Variants in PLEKHA6 observed in about 807,000 individuals in gnomAD.
The protein encoded by PLEKHA6 is pleckstrin homology domain containing A6.
In PLEKHA6, 60 loss-of-function variants were observed where a neutral mutation model predicts 116.7. The ratio of observed to expected loss-of-function variants is 0.51; its 90% CI spans 0.42 to 0.64. PLEKHA6 has a LOEUF of 0.64. PLEKHA6 is among the 30% of genes least tolerant of loss of function. The pLI is 0.00. For missense variants in PLEKHA6, 1,338 were observed against 1,422.7 expected, an observed-to-expected ratio of 0.94 and a Z score of 0.96; for synonymous variants, 489 against 556.1, an observed-to-expected ratio of 0.88 and a Z score of 1.70.
intron 1 of PLEKHA6, among the ~76,000 whole-genome samples, chr1:204,321,183 G>A (rs1323133672): frequency 6.6e-6 from 1 of 152,106 alleles, no homozygotes; most frequent in African/African-American, 2.4e-5. Flanking sequence ...GCACCACTCA[G>A]GGGAAGCCAA....
chr1:204,268,297 G>T lies in PLEKHA6; in HGVS notation c.118C>A (p.Arg40Ser). The change falls in exon 4 of 23, where the codon CGC becomes AGC. Residue 40 changes from arginine to serine, a missense_variant. Around this residue, in one of 3 missense-constraint regions of PLEKHA6, gnomAD observed 62 missense variants for 61.7 expected, o/e 1.01. Coordinates refer to ENST00000272203, the MANE Select transcript of PLEKHA6 (RefSeq NM_014935.5). ...RPSVRATRTA[R>S]KAVAFGKRSH... The stretch of plus-strand genomic sequence containing the variant: ...CGCTTGCCAAAGGCGACGGCTTTGC[G>T]GGCTGTGCGAGTTGCCTGGGGGCAG... 6.2e-7 allele frequency: 1 copy of T among 1,608,610 alleles called. No homozygotes were observed. The highest frequency in any genetic ancestry group is 8.5e-7 in the Non-Finnish European group (1 of 1,177,430).
At chr1:204,358,677 C>A (rs558885238) in intron 1 of PLEKHA6, among the ~76,000 whole-genome samples, 1 of 152,188 alleles carries the variant, frequency 6.6e-6, no homozygotes, top group East Asian at 1.9e-4. Context: ...CTGAAGGCTG[C>A]AACCTCCTCT....
chr1:204,248,786 G>C, intron 12 of PLEKHA6, 35 bp downstream of exon 12: 1 of 1,603,566 alleles, frequency 6.2e-7, no homozygotes, highest in Non-Finnish European at 8.5e-7. Context: ...TAGTGCTGAT[G>C]AGGTGGGGTG....
In PLEKHA6 at chr1:204,340,401, G is replaced by A. The variant is rs184381486; in HGVS notation, c.-95+19293C>T. On this transcript the variant is annotated intron_variant, in intron 1 of 22. Coordinates refer to ENST00000272203, the MANE Select transcript of PLEKHA6 (RefSeq NM_014935.5). ...TAAATAAATGTTCACCCGCATTAGAGTCAATCAGCCAGCTGAAGCACCAAT... is the reference window on the plus strand; with the variant it reads ...TAAATAAATGTTCACCCGCATTAGAATCAATCAGCCAGCTGAAGCACCAAT... 2.5e-3 allele frequency among the ~76,000 whole-genome samples: 386 copies of A among 152,292 alleles called. 1 individual carries two copies. The highest frequency in any genetic ancestry group is 3.8e-3 in the Non-Finnish European group (260 of 68,026).
chr1:204,227,641 T>G (rs944812283), intron 21 of PLEKHA6, among the ~76,000 whole-genome samples: 2 of 152,230 alleles, frequency 1.3e-5, no homozygotes, highest in African/African-American at 2.4e-5. Flanking sequence ...TATCTTTTCT[T>G]GGCTTCTTCC....
intron 1 of PLEKHA6, among the ~76,000 whole-genome samples, chr1:204,339,360 C>A (rs561909363): frequency 6.6e-6 from 1 of 152,216 alleles, no homozygotes; most frequent in Non-Finnish European, 1.5e-5. Flanking sequence ...TCAGCCACTA[C>A]ATTTTGGGTG....
chr1:204,315,545 A>C (rs1241547607), intron 1 of PLEKHA6, among the ~76,000 whole-genome samples: 1 of 152,136 alleles, frequency 6.6e-6, no homozygotes, highest in Admixed American at 6.5e-5. Flanking sequence ...GGCTGAGCTC[A>C]AATGCCACCT....
rs748937749 is a variant in PLEKHA6 at position 204,267,459 on chromosome 1, C to G, written c.280+16G>C. ...TGGCTTCCTGCCATCCCTGCCAGTC[C>G]AAGGGCCAAGCTCACCTTTATAGTA... On this transcript the variant is annotated intron_variant, in intron 5 of 22. Transcript: ENST00000272203. 1.2e-6 allele frequency: 2 copies of G among 1,611,598 alleles called. No individual in the cohort carries two copies. The highest frequency in any genetic ancestry group is 2.2e-5 in the South Asian group (2 of 91,026).
chr1:204,289,690 A>T (rs566016859), intron 1 of PLEKHA6, among the ~76,000 whole-genome samples: 1 of 152,288 alleles, frequency 6.6e-6, no homozygotes, highest in Non-Finnish European at 1.5e-5. Flanking sequence ...CTTTACAGTC[A>T]CAGCTACTGT....
intron 1 of PLEKHA6, among the ~76,000 whole-genome samples, chr1:204,373,085 TC>T (rs1383291701): frequency 1.4e-5 from 2 of 140,818 alleles, no homozygotes; most frequent in African/African-American, 5.7e-5. Context: ...ATTTTTTCTT[TC>T]TTTTTTTTTT....
intron 18 of PLEKHA6, 124 bp from the exon 19 acceptor site, chr1:204,229,228 C>T (rs1660821884): frequency 1.1e-6 from 1 of 869,594 alleles, no homozygotes; most frequent in East Asian, 2.6e-5. Flanking sequence ...ACTGCTCCCA[C>T]CATACCCCAC....
intron 1 of PLEKHA6, among the ~76,000 whole-genome samples, chr1:204,374,241 C>T (rs1395905574): frequency 6.6e-6 from 1 of 152,122 alleles, no homozygotes; most frequent in African/African-American, 2.4e-5. Context: ...AACTGGGCCT[C>T]GAAGAACTGG....
intron 1 of PLEKHA6, among the ~76,000 whole-genome samples, chr1:204,276,103 T>C (rs1012518868): frequency 4.6e-5 from 7 of 151,836 alleles, no homozygotes; most frequent in Admixed American, 6.6e-5. Flanking sequence ...GGCTGTCTGC[T>C]AAAGCTAAAG....
intron 7 of PLEKHA6, among the ~76,000 whole-genome samples, chr1:204,260,439 T>C (rs546352852): frequency 3.9e-5 from 6 of 152,352 alleles, no homozygotes; most frequent in African/African-American, 1.2e-4. Flanking sequence ...GCAGACTTTC[T>C]TCCCCTGTGT....
chr1:204,301,148 T>C (rs1490392503), intron 1 of PLEKHA6: 3 of 610,726 alleles, frequency 4.9e-6, no homozygotes, highest in Admixed American at 6.3e-5. Flanking sequence ...CTAAAATCCA[T>C]AGGCCCCAAA....
chr1:204,297,803 C>G, intron 1 of PLEKHA6: 1 of 705,640 alleles, frequency 1.4e-6, no homozygotes, highest in South Asian at 6.3e-5. Context: ...TAACTATGAG[C>G]TGTTTCTTAT....
rs1005560772 is a variant in PLEKHA6, at chr1:204,228,104, G to A, written c.3010C>T (p.Arg1004Cys). ...TCACCAGACAGCATGCGGCCCCTGC[G>A]GGAGGCCTCGGTCGCCAGGGCGCAG... is the stretch of plus-strand genomic sequence containing the variant. ...ISCALATEAS[R>C]RGRMLSVQCA... Residue 1004 changes from arginine to cysteine, a missense_variant, in exon 21 of 23, where the codon CGC becomes TGC. Transcript: ENST00000272203. This position sits in a 1 kb window ranked among gnomAD's most constrained non-coding sequence, Gnocchi z 4.0. The A allele has an allele frequency of 2.7e-5, 44 of 1,612,544 alleles. No individual in the cohort carries two copies. The highest frequency in any genetic ancestry group is 1.2e-4 in the Admixed American group (7 of 59,866).
rs753500691 is a variant in PLEKHA6 at position 204,238,080 on chromosome 1, C to T, written c.2409+3295G>A. ...CAAGAAAGAGGCACAGTCTAGTAGG[C>T]CTATTTGGAATTTGGAAGCAACATA... On this transcript the variant is annotated intron_variant, in intron 17 of 22. Coordinates refer to ENST00000272203, the MANE Select transcript of PLEKHA6 (RefSeq NM_014935.5). The surrounding 1 kb of genome is among the most constrained non-coding windows in gnomAD (Gnocchi z 4.2). 1.3e-5 allele frequency among the ~76,000 whole-genome samples: 2 copies of T among 152,120 alleles called. No individual in the cohort carries two copies. The highest frequency in any genetic ancestry group is 4.8e-5 in the African/African-American group (2 of 41,416).
intron 1 of PLEKHA6, among the ~76,000 whole-genome samples, chr1:204,332,925 G>C (rs1672509590): frequency 6.6e-6 from 1 of 152,206 alleles, no homozygotes; most frequent in South Asian, 2.1e-4. Context: ...AAGGAAAAGT[G>C]CTCTGAGCTC....
Sources: allele counts gnomAD v4.1 joint callset (sites outside exome capture counted in the v4.1 genomes callset), GRCh38; gene constraint gnomAD v4.1.1; regional missense constraint gnomAD v4.1.1; non-coding constraint Gnocchi (gnomAD v3.1); transcripts MANE v1.5; gene names NCBI Gene and HGNC (gene_info 2026-07-23, HGNC 2026-07-21).